Variants in TP73 observed in about 807,000 individuals in gnomAD.
The protein encoded by TP73 is p53-like transcription factor.
In TP73, 25 loss-of-function variants were observed where a neutral mutation model predicts 62.5. That is an observed-to-expected ratio of 0.40 (90% CI 0.29 to 0.56). The LOEUF (loss-of-function observed/expected upper bound fraction) is 0.56. TP73 is among the 20% of genes least tolerant of loss of function. The pLI, the probability that TP73 is intolerant of heterozygous loss-of-function variation, is 0.46. For synonymous variants in TP73, 423 were observed against 377.5 expected (o/e 1.12, Z -1.40); for missense variants, 754 against 913.3 (o/e 0.83, Z 2.25).
intron 1 of TP73, among the ~76,000 whole-genome samples, chr1:3,661,593 C>T (rs1211854905): frequency 6.6e-6 from 1 of 151,686 alleles, no homozygotes; most frequent in Non-Finnish European, 1.5e-5. Context: ...CCTGTAATCT[C>T]AGCTACTCGG....
chr1:3,699,788 G>A lies in TP73; in HGVS notation c.187-7761G>A, dbSNP rs1409488911. On this transcript the variant is annotated intron_variant, in intron 3 of 13. Transcript: ENST00000378295. This position sits in a 1 kb window ranked among gnomAD's most constrained non-coding sequence, Gnocchi z 4.1. ...CAGGAGCGAGGGAGGCGGAGGTGGA[G>A]CTGGGGAGGGGCCAGCGGGGCGTCA... is the stretch of plus-strand genomic sequence containing the variant. Among the ~76,000 whole-genome samples the A allele has an allele frequency of 6.6e-6, 1 of 152,204 alleles. No individual in the cohort carries two copies. The highest frequency in any genetic ancestry group is 1.9e-4 in the East Asian group (1 of 5,192).
chr1:3,728,248 A>G (rs373742892), intron 9 of TP73, 31 bp downstream of exon 9: 177 of 1,601,652 alleles, frequency 1.1e-4, no homozygotes, highest in Admixed American at 2.0e-4. Flanking sequence ...GGCAGCCGGG[A>G]GACCTGCCTC....
chr1:3,732,787 C>A lies in TP73; in HGVS notation c.1619C>A (p.Thr540Asn). The A allele has an allele frequency of 6.2e-7, 1 of 1,602,162 alleles. No individual in the cohort carries two copies. The highest frequency in any genetic ancestry group is 1.1e-5 in the South Asian group (1 of 90,272). The change falls in exon 14 of 14, where the codon ACC becomes AAC. Residue 540 changes from threonine (T) to asparagine (N), a missense_variant. Coordinates refer to ENST00000378295, the MANE Select transcript of TP73 (RefSeq NM_005427.4). ...ALKIPEQYRM[T>N]IWRGLQDLKQ... is the part of the protein sequence containing the mutation. ...AAGATCCCCGAGCAGTACCGCATGA[C>A]CATCTGGCGGGGCCTGCAGGACCTG... is the stretch of plus-strand genomic sequence containing the variant.
At chr1:3,686,083 G>A (rs1407549479) in intron 3 of TP73, among the ~76,000 whole-genome samples, 1 of 152,234 alleles carries the variant, frequency 6.6e-6, no homozygotes, top group African/African-American at 2.4e-5. Context: ...GCCCCTGGCG[G>A]CTCCCTCTGG....
intron 3 of TP73, among the ~76,000 whole-genome samples, chr1:3,686,657 T>G (rs957825425): frequency 3.9e-5 from 6 of 152,138 alleles, no homozygotes; most frequent in African/African-American, 1.4e-4. Context: ...TTGGGGAGAC[T>G]GTGAGCTCTG....
intron 10 of TP73, 122 bp downstream of exon 10, chr1:3,729,570 G>A: frequency 1.3e-6 from 2 of 1,549,794 alleles, no homozygotes; most frequent in East Asian, 2.3e-5. Flanking sequence ...CAGGCAGCAG[G>A]GTCCAGAGCA....
chr1:3,731,346 C>A, intron 12 of TP73, 117 bp from the exon 13 acceptor site: 3 of 1,126,802 alleles, frequency 2.7e-6, no homozygotes, highest in Non-Finnish European at 3.8e-6. Context: ...GGGCTGGAGC[C>A]ACCCTTCGGA....
rs1040567017 is a variant in TP73, at chr1:3,663,863, G to A, written c.-34+11222G>A. Among the ~76,000 whole-genome samples, 1 of 152,190 alleles carries A rather than the reference G, an allele frequency of 6.6e-6. No homozygotes were observed. Among genetic ancestry groups the A allele is most frequent in the Admixed American group, 6.5e-5 (1 of 15,284 alleles). ...ACTCTTTTATGGCCTGCCTCAGGGTGACAGGGAGCAGGAGAGAGCATACCT... is the reference window on the plus strand; with the variant it reads ...ACTCTTTTATGGCCTGCCTCAGGGTAACAGGGAGCAGGAGAGAGCATACCT... On this transcript the variant is annotated intron_variant, in intron 1 of 13. Transcript: ENST00000378295. The surrounding 1 kb of genome is among the most constrained non-coding windows in gnomAD (Gnocchi z 4.7).
In TP73 at chr1:3,727,655, T is replaced by C. The variant is rs752109317; in HGVS notation, c.870T>C (p.Phe290=). ...GGCAGGTGCTGGGCCGCCGGTCCTT[T>C]GAGGGCCGCATCTGCGCCTGTCCTG... ...RDGQVLGRRS[F]EGRICACPGR... Residue 290 remains phenylalanine, a synonymous_variant, in exon 8 of 14, where the codon TTT becomes TTC. Transcript: ENST00000378295. The C allele has an allele frequency of 1.9e-6, 3 of 1,600,696 alleles. No homozygotes were observed. Among genetic ancestry groups the C allele is most frequent in the East Asian group, 4.5e-5 (2 of 44,420 alleles).
intron 4 of TP73, among the ~76,000 whole-genome samples, chr1:3,721,682 C>T (rs1641083542): frequency 1.3e-5 from 2 of 152,234 alleles, no homozygotes; most frequent in Admixed American, 1.3e-4. Flanking sequence ...CCCGCCCTCA[C>T]TCTCCAGCAG....
intron 3 of TP73, among the ~76,000 whole-genome samples, chr1:3,693,105 G>A (rs2124259063): frequency 6.6e-6 from 1 of 152,056 alleles, no homozygotes; most frequent in South Asian, 2.1e-4. Flanking sequence ...CCCAGAGCCA[G>A]CCATGTCTCC....
At chr1:3,665,060 G>A (rs1451994175) in intron 1 of TP73, among the ~76,000 whole-genome samples, 1 of 152,206 alleles carries the variant, frequency 6.6e-6, no homozygotes, top group East Asian at 1.9e-4. Context: ...AATGAGCTGT[G>A]ATCGGCCACG....
chr1:3,677,513 C>A (rs563916006), intron 1 of TP73, among the ~76,000 whole-genome samples: 96 of 152,284 alleles, frequency 6.3e-4, no homozygotes, highest in African/African-American at 2.3e-3. Context: ...CTGTCCTTTG[C>A]AACTCTGTGC....
intron 1 of TP73, among the ~76,000 whole-genome samples, chr1:3,654,871 A>G (rs1421926220): frequency 3.3e-5 from 5 of 152,234 alleles, no homozygotes; most frequent in Non-Finnish European, 7.3e-5. Flanking sequence ...CCCAGGTCCA[A>G]GAATGGATTG....
At chr1:3,665,517 A>G (rs572170712) in intron 1 of TP73, among the ~76,000 whole-genome samples, 1 of 152,202 alleles carries the variant, frequency 6.6e-6, no homozygotes, top group African/African-American at 2.4e-5. Flanking sequence ...ACTCTTGACG[A>G]TGAAGTATAC....
intron 1 of TP73, among the ~76,000 whole-genome samples, chr1:3,660,948 G>A (rs1229837588): frequency 6.6e-6 from 1 of 152,120 alleles, no homozygotes; most frequent in Non-Finnish European, 1.5e-5. Context: ...AATATAGAAT[G>A]TATCAGATTT....
intron 12 of TP73, 54 bp from the exon 13 acceptor site, chr1:3,731,409 G>C: frequency 1.3e-6 from 2 of 1,555,916 alleles, no homozygotes. Flanking sequence ...GGGGGCTCGC[G>C]CAGCCCTGTG....
intron 1 of TP73, 87 bp from the exon 2 acceptor site, chr1:3,682,246 C>A: frequency 9.4e-7 from 1 of 1,061,010 alleles, no homozygotes; most frequent in Non-Finnish European, 1.3e-6. Flanking sequence ...GGCAGGCCCA[C>A]TTGCCTGCCG....
At chr1:3,707,901 G>A (rs1380381201) in intron 4 of TP73, 110 bp downstream of exon 4, 26 of 1,473,234 alleles carry the variant, frequency 1.8e-5, no homozygotes, top group Middle Eastern at 1.9e-4. Context: ...CTGTCTGCTC[G>A]GGGTTCCCAC....
Sources: gnomAD v4.1 joint callset for allele counts (sites outside exome capture counted in the v4.1 genomes callset) on GRCh38, gnomAD v4.1.1 for gene constraint, Gnocchi (gnomAD v3.1) non-coding constraint, MANE v1.5 for transcripts, NCBI Gene and HGNC (gene_info 2026-07-23, HGNC 2026-07-21) for gene names.